Variants in FAS observed in about 807,000 individuals in gnomAD.
FAS encodes the protein Fas cell surface death receptor.
FAS carries 5 observed loss-of-function variants against 33.2 expected under a neutral mutation model. The observed-to-expected ratio is 0.15, with a 90% confidence interval of 0.08 to 0.32. FAS has a LOEUF of 0.32. Among genes scored for constraint, FAS ranks in the 10% least tolerant of loss-of-function variants. The pLI is 1.00. For missense variants in FAS, 339 were observed against 386.0 expected (o/e 0.88, Z 1.02); for synonymous variants, 131 against 130.7 (o/e 1.00, Z -0.01).
chr10:88,979,878 G>A (rs1005492672), intron 2 of FAS, among the ~76,000 whole-genome samples: 3 of 151,406 alleles, frequency 2.0e-5, no homozygotes, highest in Admixed American at 6.6e-5. Flanking sequence ...CATGTGTAAA[G>A]CACCTACAAA....
Position 89,012,163 on chromosome 10 carries a change from A to C in FAS, c.651+82A>C. 8.4e-6 allele frequency: 10 copies of C among 1,193,474 alleles called. No homozygotes were observed. In the South Asian group the frequency reaches 1.2e-4, roughly 15 times the overall value. The allele number at this position is 1,193,474 out of a possible 1,614,324, so 73.9% of individuals were successfully genotyped here. On this transcript the variant is annotated intron_variant, in intron 7 of 8. Transcript: ENST00000652046. ...ATTTGGCTTTTTGTTACTTCCTTTT[A>C]CTTTTTTGTTTCTTGTTTGTTTCAT... is the stretch of plus-strand genomic sequence containing the variant.
At chr10:89,013,766 A>T (rs1034139621) in intron 8 of FAS, among the ~76,000 whole-genome samples, 8 of 152,218 alleles carry the variant, frequency 5.3e-5, no homozygotes, top group Admixed American at 5.2e-4. Context: ...TAGAGATAAG[A>T]TGATCATAAA....
Position 89,014,744 on chromosome 10 carries a change from A to G in FAS, c.*294A>G, listed in dbSNP as rs1848712375. The G allele has an allele frequency of 3.4e-6, 2 of 589,852 alleles. No individual in the cohort carries two copies. Among genetic ancestry groups the G allele is most frequent in the African/African-American group, 1.8e-5 (1 of 55,454 alleles). 36.5% of individuals were successfully genotyped at this position (589,852 alleles called of 1,614,324 possible). A position where few individuals can be genotyped will look rare whatever the true frequency, so the allele number is the denominator to read the frequency against. On this transcript the variant is annotated 3_prime_UTR_variant, in exon 9 of 9. Coordinates refer to ENST00000652046, the MANE Select transcript of FAS (RefSeq NM_000043.6). ...TTAAGATTATGCTCTGGCATCTAACATATGATTCTGTAGTATGAATGTAAT... is the reference window on the plus strand; with the variant it reads ...TTAAGATTATGCTCTGGCATCTAACGTATGATTCTGTAGTATGAATGTAAT...
chr10:88,988,968 A>T (rs1847008931), upstream of FAS, among the ~76,000 whole-genome samples: 1 of 152,184 alleles, frequency 6.6e-6, no homozygotes, highest in Admixed American at 6.5e-5. Context: ...GGATAATTAG[A>T]CGTACGTGGG....
chr10:89,007,349 A>G lies in FAS; in HGVS notation c.197-351A>G, dbSNP rs961092108. ...AGTAACAGCTATCCCCACTCTGAAT[A>G]TATACCAACCAACCTCTCCCCTTTC... is the stretch of plus-strand genomic sequence containing the variant. On this transcript the variant is annotated intron_variant, in intron 2 of 8. Transcript: ENST00000652046. 6.6e-5 allele frequency among the ~76,000 whole-genome samples: 10 copies of G among 152,206 alleles called. 1 individual carries two copies. Among genetic ancestry groups the G allele is most frequent in the South Asian group, 4.1e-4 (2 of 4,824 alleles).
upstream of FAS, among the ~76,000 whole-genome samples, chr10:88,981,792 G>C (rs954648145): frequency 6.6e-6 from 1 of 152,102 alleles, no homozygotes; most frequent in Non-Finnish European, 1.5e-5. Context: ...GTATGTAAAG[G>C]TTTCAGATGG....
chr10:88,984,070 T>A (rs1846799287), upstream of FAS, among the ~76,000 whole-genome samples: 1 of 152,084 alleles, frequency 6.6e-6, no homozygotes, highest in South Asian at 2.1e-4. Flanking sequence ...GAGGGGAGGG[T>A]TACTATCATT....
At chr10:88,989,650 G>C, upstream of FAS, 1 of 499,222 alleles carries the variant, frequency 2.0e-6, no homozygotes, top group Non-Finnish European at 4.0e-6. Context: ...ACCTAGATTT[G>C]AGGGCCCAAA....
At chr10:89,006,747 T>C (rs1848250575) in intron 2 of FAS, among the ~76,000 whole-genome samples, 1 of 152,322 alleles carries the variant, frequency 6.6e-6, no homozygotes, top group South Asian at 2.1e-4. Context: ...GGGTTTATCT[T>C]ATTTCCTGCA....
At chr10:88,984,630 G>C (rs1290967125), upstream of FAS, among the ~76,000 whole-genome samples, 3 of 152,218 alleles carry the variant, frequency 2.0e-5, no homozygotes, top group African/African-American at 7.2e-5. Flanking sequence ...AACTTCAAAA[G>C]GCTGATGTGG....
chr10:88,975,642 A>AT (rs564584574), intron 2 of FAS, among the ~76,000 whole-genome samples: 2,567 of 148,842 alleles, frequency 0.017, 33 homozygotes, highest in Non-Finnish European at 0.026. Flanking sequence ...TGAGAGTAGG[A>AT]TTTTTTTTTT....
chr10:89,013,716 A>G (rs987616992), intron 8 of FAS, among the ~76,000 whole-genome samples: 3 of 152,238 alleles, frequency 2.0e-5, no homozygotes, highest in Non-Finnish European at 4.4e-5. Flanking sequence ...CTCTATAACA[A>G]CATACATGAT....
chr10:88,984,644 A>C (rs909462860), upstream of FAS, among the ~76,000 whole-genome samples: 2 of 151,696 alleles, frequency 1.3e-5, no homozygotes, highest in Admixed American at 6.6e-5. Flanking sequence ...GATGTGGTCC[A>C]TGCTCTCTGA....
intron 2 of FAS, 92 bp from the exon 3 acceptor site, chr10:89,007,608 A>T (rs577862747): frequency 1.6e-5 from 22 of 1,412,834 alleles, no homozygotes; most frequent in Admixed American, 2.0e-5. Context: ...TGTGTTTTAG[A>T]AGAGTTTTAT....
chr10:88,980,990 G>A lies in FAS; in HGVS notation n.260+7643G>A, dbSNP rs182767910. Among the ~76,000 whole-genome samples the A allele has an allele frequency of 4.3e-3, 650 of 152,330 alleles. 1 individual carries two copies. The highest frequency in any genetic ancestry group is 7.3e-3 in the Admixed American group (111 of 15,306). On this transcript the variant is annotated intron_variant and non_coding_transcript_variant, in intron 2 of 3. Coordinates refer to the FAS transcript ENST00000688239. ...TTGGTTTGCCTTATATGAAAAGTGG[G>A]ATTTGGACTATGGAGGAATAGGGTC...
At chr10:89,000,899 T>G (rs1297803612) in intron 1 of FAS, among the ~76,000 whole-genome samples, 6 of 112,552 alleles carry the variant, frequency 5.3e-5, no homozygotes, top group African/African-American at 1.1e-4. Context: ...ATACAAAAAA[T>G]TAGCCGTCAT....
At position 89,002,939 on chromosome 10, in the gene FAS, GA is replaced by G. The variant is rs1229300708; in HGVS notation, c.31-89del. On this transcript the variant is annotated intron_variant, in intron 1 of 8. Coordinates refer to ENST00000652046, the MANE Select transcript of FAS (RefSeq NM_000043.6). ...ACATTGTCTTTGCCTGTGCACAGCAGATACTGCCAATTTTGGGTGGGTTACA... is the reference window on the plus strand; with the variant it reads ...ACATTGTCTTTGCCTGTGCACAGCAGTACTGCCAATTTTGGGTGGGTTACA... 25 of 1,427,810 alleles carry G rather than the reference GA, an allele frequency of 1.8e-5. No individual in the cohort carries two copies. The African/African-American group carries it at 2.7e-4, about 15-fold the overall frequency. 88.4% of individuals were successfully genotyped at this position (1,427,810 alleles called of 1,614,324 possible). A position where few individuals can be genotyped will look rare whatever the true frequency, so the allele number is the denominator to read the frequency against.
upstream of FAS, chr10:88,990,645 C>T (rs1268622039): frequency 1.4e-6 from 1 of 696,638 alleles, no homozygotes; most frequent in Non-Finnish European, 2.6e-6. This position sits in a 1 kb window ranked among gnomAD's most constrained non-coding sequence, Gnocchi z 4.9. Flanking sequence ...GTGAGCTCGT[C>T]TCTGATCTCG....
At chr10:88,986,568 C>A (rs555324066), upstream of FAS, among the ~76,000 whole-genome samples, 1 of 152,006 alleles carries the variant, frequency 6.6e-6, no homozygotes, top group Non-Finnish European at 1.5e-5. Flanking sequence ...AGTTTTCCAG[C>A]CCTGGTCAGT....
Sources: allele counts gnomAD v4.1 joint callset (sites outside exome capture counted in the v4.1 genomes callset), GRCh38; gene constraint gnomAD v4.1.1; non-coding constraint Gnocchi (gnomAD v3.1); transcripts MANE v1.5; gene names NCBI Gene and HGNC (gene_info 2026-07-23, HGNC 2026-07-21).